Variants in FLVCR1 observed in about 807,000 individuals in gnomAD.
FLVCR1 encodes choline/ethanolamine transporter FLVCR1.
In FLVCR1, 34 loss-of-function variants were observed where a neutral mutation model predicts 53.6. That is an observed-to-expected ratio of 0.63 (90% CI 0.48 to 0.84). The LOEUF is 0.84. Ranked by LOEUF, FLVCR1 falls within the 40% of genes least tolerant of loss-of-function variation. FLVCR1 has a pLI of 0.00. For synonymous variants in FLVCR1, 300 were observed against 286.3 expected, an observed-to-expected ratio of 1.05 and a Z score of -0.48; for missense variants, 677 against 696.7, an observed-to-expected ratio of 0.97 and a Z score of 0.32.
chr1:212,892,473 T>G (rs1665217360), intron 8 of FLVCR1, among the ~76,000 whole-genome samples: 1 of 152,240 alleles, frequency 6.6e-6, no homozygotes, highest in Admixed American at 6.5e-5. Context: ...AACCCCGTAG[T>G]TGATAGTACA....
In FLVCR1 at chr1:212,858,423, G is replaced by T. The variant is rs1473804157; in HGVS notation, c.-30G>T. 1 of 1,429,424 alleles carries T rather than the reference G, an allele frequency of 7.0e-7. No homozygotes were observed. Among genetic ancestry groups the T allele is most frequent in the African/African-American group, 1.4e-5 (1 of 68,990 alleles). The allele number at this position is 1,429,424 out of a possible 1,614,324, so 88.5% of individuals were successfully genotyped here. A position where few individuals can be genotyped will look rare whatever the true frequency, so the allele number is the denominator to read the frequency against. ...GAGCGGAGTCGGGGAGTGGGGCGGGGGAGCGAGGTGGCGCCGGGGAGCCTG... is the reference window on the plus strand; with the variant it reads ...GAGCGGAGTCGGGGAGTGGGGCGGGTGAGCGAGGTGGCGCCGGGGAGCCTG... On this transcript the variant is annotated 5_prime_UTR_variant, in exon 1 of 10. Coordinates refer to ENST00000366971, the MANE Select transcript of FLVCR1 (RefSeq NM_014053.4).
intron 8 of FLVCR1, among the ~76,000 whole-genome samples, chr1:212,889,608 A>G (rs1017615713): frequency 2.0e-5 from 3 of 152,142 alleles, no homozygotes; most frequent in Non-Finnish European, 2.9e-5. Flanking sequence ...CTCTACTAAA[A>G]TTAGCCAGTT....
chr1:212,875,738 G>A (rs1322161767), intron 3 of FLVCR1, among the ~76,000 whole-genome samples: 1 of 151,708 alleles, frequency 6.6e-6, no homozygotes, highest in African/African-American at 2.4e-5. Flanking sequence ...CTACTCGGGA[G>A]GCTGAGGCAG....
chr1:212,889,277 TG>T lies in FLVCR1; in HGVS notation c.1525+22del. 6.9e-7 allele frequency: 1 copy of T among 1,456,644 alleles called. No homozygotes were observed. The highest frequency in any genetic ancestry group is 9.6e-7 in the Non-Finnish European group (1 of 1,036,500). 90.2% of individuals were successfully genotyped at this position (1,456,644 alleles called of 1,614,324 possible). A position where few individuals can be genotyped will look rare whatever the true frequency, so the allele number is the denominator to read the frequency against. On this transcript the variant is annotated intron_variant, in intron 8 of 9. Transcript: ENST00000366971. ...TAACAGGTAAATTAGGGCGTTTGCC[TG>T]GCAAAAGGACTTGTGTCATGTGTTA...
At chr1:212,885,122 A>G (rs1174969806) in intron 4 of FLVCR1, among the ~76,000 whole-genome samples, 171 bp from the exon 5 acceptor site, 2 of 152,136 alleles carry the variant, frequency 1.3e-5, no homozygotes, top group Non-Finnish European at 2.9e-5. Context: ...ATGCTTTTAT[A>G]TATTCTTTAC....
Position 212,858,297 on chromosome 1 carries a change from T to G in FLVCR1, c.-156T>G, listed in dbSNP as rs17676799. On this transcript the variant is annotated 5_prime_UTR_variant, in exon 1 of 10. Coordinates refer to ENST00000366971, the MANE Select transcript of FLVCR1 (RefSeq NM_014053.4). ...AGGAGACCTTCATCTGTTCACGCGG[T>G]AGCGCGGATTGCGGTTCGCGGCGCG... 1 of 689,158 alleles carries G rather than the reference T, an allele frequency of 1.5e-6. No individual in the cohort carries two copies. Among genetic ancestry groups the G allele is most frequent in the Non-Finnish European group, 2.3e-6 (1 of 440,990 alleles). 42.7% of individuals were successfully genotyped at this position (689,158 alleles called of 1,614,324 possible). A position where few individuals can be genotyped will look rare whatever the true frequency, so the allele number is the denominator to read the frequency against.
At chr1:212,893,650 T>C (rs1254851089) in intron 8 of FLVCR1, among the ~76,000 whole-genome samples, 1 of 152,162 alleles carries the variant, frequency 6.6e-6, no homozygotes, top group Non-Finnish European at 1.5e-5. Context: ...CTCCCACCTT[T>C]TAGCAACCAC....
chr1:212,858,755 G>A lies in FLVCR1; in HGVS notation c.303G>A (p.Thr101=), dbSNP rs1189185318. The A allele has an allele frequency of 8.7e-6, 14 of 1,613,536 alleles. No homozygotes were observed. Among genetic ancestry groups the A allele is most frequent in the Non-Finnish European group, 1.2e-5 (14 of 1,179,902 alleles). The part of the protein sequence containing the change: ...PGAESSPLPL[T]ALSPRRFVVL... ...CCGAGAGCAGCCCGCTGCCCCTTAC[G>A]GCGCTCTCCCCGCGGCGCTTCGTGG... The change falls in exon 1 of 10, where the codon ACG becomes ACA. Residue 101 remains threonine, a synonymous_variant. Coordinates refer to ENST00000366971, the MANE Select transcript of FLVCR1 (RefSeq NM_014053.4).
chr1:212,862,084 C>T (rs1295674477), intron 1 of FLVCR1, among the ~76,000 whole-genome samples: 1 of 152,174 alleles, frequency 6.6e-6, no homozygotes, highest in Admixed American at 6.6e-5. Flanking sequence ...AAAAATCTTC[C>T]TCCTAAAAAC....
At chr1:212,868,500 G>A (rs1008678595) in intron 2 of FLVCR1, among the ~76,000 whole-genome samples, 1 of 152,134 alleles carries the variant, frequency 6.6e-6, no homozygotes. Flanking sequence ...CGCAACCTCT[G>A]CCTCCCGGAT....
chr1:212,870,404 T>C (rs1664562082), intron 2 of FLVCR1, among the ~76,000 whole-genome samples: 1 of 152,224 alleles, frequency 6.6e-6, no homozygotes, highest in Non-Finnish European at 1.5e-5. Context: ...AGTGATTGTT[T>C]CTCCCTGGCT....
chr1:212,886,645 C>CA (rs1454314329), intron 5 of FLVCR1, among the ~76,000 whole-genome samples: 1 of 151,744 alleles, frequency 6.6e-6, no homozygotes, highest in African/African-American at 2.4e-5. Context: ...ACTGAAAATA[C>CA]AAAAAATAGT....
At chr1:212,873,177 G>T (rs547007753) in intron 3 of FLVCR1, among the ~76,000 whole-genome samples, 1 of 152,124 alleles carries the variant, frequency 6.6e-6, no homozygotes, top group South Asian at 2.1e-4. Flanking sequence ...GCTGGGCATG[G>T]TGGCACACGC....
intron 2 of FLVCR1, among the ~76,000 whole-genome samples, chr1:212,868,103 T>A (rs1427281785): frequency 6.6e-6 from 1 of 152,062 alleles, no homozygotes; most frequent in Non-Finnish European, 1.5e-5. Context: ...TACTTTTAAT[T>A]CTTTTTTAAG....
At chr1:212,871,621 T>C (rs1279070045) in intron 2 of FLVCR1, among the ~76,000 whole-genome samples, 1 of 152,114 alleles carries the variant, frequency 6.6e-6, no homozygotes, top group East Asian at 1.9e-4. Context: ...CTTGTACAAG[T>C]GATGGACCCA....
At chr1:212,880,425 G>A (rs780109212) in intron 3 of FLVCR1, among the ~76,000 whole-genome samples, 10 of 152,116 alleles carry the variant, frequency 6.6e-5, no homozygotes, top group Non-Finnish European at 1.2e-4. Context: ...CATGAGTAAG[G>A]GATAGACATC....
chr1:212,874,375 T>A (rs1328294410), intron 3 of FLVCR1, among the ~76,000 whole-genome samples: 1 of 152,236 alleles, frequency 6.6e-6, no homozygotes, highest in African/African-American at 2.4e-5. Context: ...TACTTTTGCA[T>A]GACATAGTTC....
intron 4 of FLVCR1, among the ~76,000 whole-genome samples, chr1:212,883,983 T>A (rs1664992327): frequency 6.6e-6 from 1 of 152,202 alleles, no homozygotes; most frequent in Admixed American, 6.5e-5. Flanking sequence ...CTCCCATCAT[T>A]TTAATTTAAC....
chr1:212,873,160 A>G (rs1396579020), intron 3 of FLVCR1, among the ~76,000 whole-genome samples: 1 of 152,052 alleles, frequency 6.6e-6, no homozygotes, highest in African/African-American at 2.4e-5. Flanking sequence ...TAAAAATACA[A>G]AAATCAGCTG....
Sources: gnomAD v4.1 joint callset for allele counts (sites outside exome capture counted in the v4.1 genomes callset) on GRCh38, gnomAD v4.1.1 for gene constraint, MANE v1.5 for transcripts, NCBI Gene and HGNC (gene_info 2026-07-23, HGNC 2026-07-21) for gene names.